FHIT: variants seen among roughly 807,000 people sequenced by gnomAD.
The protein encoded by FHIT is bis(5'-adenosyl)-triphosphatase.
A neutral mutation model predicts 17.9 loss-of-function variants in FHIT; 19 were observed. The observed-to-expected ratio is 1.06, with a 90% CI of 0.74 to 1.56. The LOEUF (loss-of-function observed/expected upper bound fraction) is 1.56. Ranked by LOEUF, FHIT falls within the 40% of genes most tolerant of loss-of-function variation. The pLI, the probability that FHIT is intolerant of heterozygous loss-of-function variation, is 0.00. For missense variants in FHIT, 248 were observed against 189.2 expected, an observed-to-expected ratio of 1.31 and a Z score of -1.82; for synonymous variants, 81 against 69.7, an observed-to-expected ratio of 1.16 and a Z score of -0.81.
At position 60,712,301 on chromosome 3, in the gene FHIT, G is replaced by A. The variant is rs555162976; in HGVS notation, c.-18+109618C>T. On this transcript the variant is annotated intron_variant, in intron 4 of 9. Coordinates refer to ENST00000492590, the MANE Select transcript of FHIT (RefSeq NM_002012.4). Reference sequence around the variant, plus strand: ...GCACTGAACATGGAAAGGAACAACCGGTACCAGCCGCTGCAAAATCATGCC... The same window carrying A: ...GCACTGAACATGGAAAGGAACAACCAGTACCAGCCGCTGCAAAATCATGCC... 1.9e-3 allele frequency among the ~76,000 whole-genome samples: 289 copies of A among 152,206 alleles called. 3 individuals carry two copies. The highest frequency in any genetic ancestry group is 6.1e-3 in the African/African-American group (255 of 41,510).
At chr3:60,144,442 C>A (rs891878029) in intron 5 of FHIT, among the ~76,000 whole-genome samples, 1 of 152,140 alleles carries the variant, frequency 6.6e-6, no homozygotes. Flanking sequence ...TATTCTGGAG[C>A]TTGGAGAGAC....
intron 5 of FHIT, among the ~76,000 whole-genome samples, chr3:60,230,647 G>A (rs1704449546): frequency 6.6e-6 from 1 of 152,174 alleles, no homozygotes; most frequent in African/African-American, 2.4e-5. Context: ...TCTGGTCTCT[G>A]AGTTAATAGC....
intron 3 of FHIT, among the ~76,000 whole-genome samples, chr3:61,018,208 G>C (rs1431871934): frequency 6.6e-6 from 1 of 152,098 alleles, no homozygotes; most frequent in Non-Finnish European, 1.5e-5. Flanking sequence ...GTAAGTGATG[G>C]AACCAGTACT....
chr3:59,785,964 G>A (rs1049689023), intron 8 of FHIT, among the ~76,000 whole-genome samples: 2 of 152,204 alleles, frequency 1.3e-5, no homozygotes, highest in Non-Finnish European at 2.9e-5. Flanking sequence ...TAGAGGATCT[G>A]TCATGGCGCC....
chr3:60,648,265 T>G (rs2039909041), intron 4 of FHIT, among the ~76,000 whole-genome samples: 1 of 152,148 alleles, frequency 6.6e-6, no homozygotes, highest in Non-Finnish European at 1.5e-5. Flanking sequence ...CTTTTGTTAT[T>G]TATAATGCAA....
intron 4 of FHIT, among the ~76,000 whole-genome samples, chr3:60,817,198 G>A (rs1701770309): frequency 6.6e-6 from 1 of 151,752 alleles, no homozygotes; most frequent in Admixed American, 6.6e-5. Context: ...GATTACATCT[G>A]TACATATTAC....
At chr3:60,667,572 A>G (rs951863279) in intron 4 of FHIT, among the ~76,000 whole-genome samples, 5 of 152,090 alleles carry the variant, frequency 3.3e-5, no homozygotes, top group African/African-American at 7.2e-5. Context: ...CTTTAAAATT[A>G]TTGTCAGATA....
At chr3:60,280,532 G>A (rs1371318067) in intron 5 of FHIT, among the ~76,000 whole-genome samples, 3 of 152,030 alleles carry the variant, frequency 2.0e-5, no homozygotes, top group Non-Finnish European at 2.9e-5. Flanking sequence ...GACTCATCAA[G>A]AAGCCAGTGT....
intron 4 of FHIT, among the ~76,000 whole-genome samples, chr3:60,557,506 A>G (rs1165547217): frequency 6.6e-6 from 1 of 151,890 alleles, no homozygotes; most frequent in Non-Finnish European, 1.5e-5. Context: ...AGGTATAAAG[A>G]GATTACTCAG....
At chr3:60,501,674 G>C (rs573584226) in intron 5 of FHIT, among the ~76,000 whole-genome samples, 2 of 152,148 alleles carry the variant, frequency 1.3e-5, no homozygotes, top group Non-Finnish European at 2.9e-5. Context: ...AACACCCTAG[G>C]TGATGCTCGG....
intron 5 of FHIT, among the ~76,000 whole-genome samples, chr3:60,164,363 G>A (rs1701064593): frequency 6.6e-6 from 1 of 152,150 alleles, no homozygotes; most frequent in South Asian, 2.1e-4. Flanking sequence ...TTCAAGTATT[G>A]CCATGCAGCC....
At chr3:59,943,383 A>C (rs569803339) in intron 7 of FHIT, among the ~76,000 whole-genome samples, 25 of 152,262 alleles carry the variant, frequency 1.6e-4, no homozygotes, top group Non-Finnish European at 2.6e-4. Context: ...ACGAAATTGG[A>C]GGAGGATTAT....
intron 5 of FHIT, among the ~76,000 whole-genome samples, chr3:60,243,896 T>C (rs146440822): frequency 4.6e-4 from 70 of 152,242 alleles, no homozygotes; most frequent in African/African-American, 1.6e-3. Context: ...CTAAATTATG[T>C]TCTGTAAGAG....
intron 2 of FHIT, among the ~76,000 whole-genome samples, chr3:61,138,256 G>T (rs2036973137): frequency 6.6e-6 from 1 of 152,208 alleles, no homozygotes. Context: ...GCTTGAGTCA[G>T]CTGTGGATCT....
At chr3:60,889,360 C>T (rs9758127) in intron 3 of FHIT, among the ~76,000 whole-genome samples, 41,930 of 152,016 alleles carry the variant, frequency 0.28, 7,016 homozygotes, top group African/African-American at 0.46. Flanking sequence ...AAGGGCGTAC[C>T]CTTCTGTAGA....
intron 8 of FHIT, among the ~76,000 whole-genome samples, chr3:59,908,466 T>TG (rs1172752666): frequency 6.6e-6 from 1 of 152,180 alleles, no homozygotes; most frequent in East Asian, 1.9e-4. Context: ...GTCAGGACCA[T>TG]GGACACCTCT....
chr3:61,196,217 A>AC (rs1197095225), intron 2 of FHIT, among the ~76,000 whole-genome samples: 1 of 152,176 alleles, frequency 6.6e-6, no homozygotes, highest in African/African-American at 2.4e-5. Context: ...CTGGGAAGCA[A>AC]TCCAGAGAGA....
rs185252132 is a variant in FHIT, at chr3:61,124,166, G to A, written c.-164+76451C>T. Among the ~76,000 whole-genome samples the A allele has an allele frequency of 4.6e-5, 7 of 152,282 alleles. No individual in the cohort carries two copies. In the East Asian group the frequency reaches 1.3e-3, roughly 29 times the overall value. Reference sequence around the variant, plus strand: ...TTGAGGACGGCTATTAGAGCAAAACGTGTTTTAGAATCAGAATTTTATATT... The same window carrying A: ...TTGAGGACGGCTATTAGAGCAAAACATGTTTTAGAATCAGAATTTTATATT... On this transcript the variant is annotated intron_variant, in intron 2 of 9. Transcript: ENST00000492590.
chr3:61,045,902 C>T (rs894200524), intron 2 of FHIT, among the ~76,000 whole-genome samples: 2 of 151,950 alleles, frequency 1.3e-5, no homozygotes, highest in African/African-American at 4.8e-5. Flanking sequence ...GGGCACATAA[C>T]GAAATGAAGG....
Sources: gnomAD v4.1 joint callset for allele counts (sites outside exome capture counted in the v4.1 genomes callset) on GRCh38, gnomAD v4.1.1 for gene constraint, MANE v1.5 for transcripts, NCBI Gene and HGNC (gene_info 2026-07-23, HGNC 2026-07-21) for gene names.